Variants in NCKAP5 observed in about 807,000 individuals in gnomAD.
NCKAP5 encodes nck-associated protein 5.
A neutral mutation model predicts 167.0 loss-of-function variants in NCKAP5; 92 were observed. The ratio of observed to expected loss-of-function variants is 0.55; its 90% confidence interval spans 0.47 to 0.66. The LOEUF is 0.66. Ranked by LOEUF, NCKAP5 falls within the 30% of genes least tolerant of loss-of-function variation. NCKAP5 has a pLI of 0.00. For missense variants in NCKAP5, 2,378 were observed against 2,315.0 expected, an observed-to-expected ratio of 1.03 and a Z score of -0.56; for synonymous variants, 891 against 877.4, an observed-to-expected ratio of 1.02 and a Z score of -0.27.
At chr2:133,013,156 T>C (rs2078219372) in intron 6 of NCKAP5, among the ~76,000 whole-genome samples, 1 of 152,182 alleles carries the variant, frequency 6.6e-6, no homozygotes, top group African/African-American at 2.4e-5. Flanking sequence ...GACATTTTTC[T>C]TCCTCTGCCA....
intron 6 of NCKAP5, among the ~76,000 whole-genome samples, chr2:133,085,456 C>T (rs1351338672): frequency 6.6e-6 from 1 of 152,086 alleles, no homozygotes; most frequent in East Asian, 1.9e-4. Context: ...CATATATACA[C>T]ACACAAAAAT....
intron 6 of NCKAP5, among the ~76,000 whole-genome samples, chr2:132,998,092 C>A (rs150520104): frequency 6.6e-6 from 1 of 152,240 alleles, no homozygotes; most frequent in East Asian, 1.9e-4. Flanking sequence ...TTCTTTTAAT[C>A]CTTATTGCAT....
intron 6 of NCKAP5, among the ~76,000 whole-genome samples, chr2:133,040,496 T>C (rs535576488): frequency 6.6e-6 from 1 of 152,276 alleles, no homozygotes; most frequent in South Asian, 2.1e-4. Flanking sequence ...ATAAACAAGG[T>C]TGGTATAAAA....
At position 133,237,220 on chromosome 2, in the gene NCKAP5, T is replaced by C. The variant is rs369604706; in HGVS notation, c.144-23441A>G. On this transcript the variant is annotated intron_variant, in intron 4 of 19. Coordinates refer to ENST00000409261, the MANE Select transcript of NCKAP5 (RefSeq NM_207363.3). ...CTTGATTAATTATGACAAATTATTA[T>C]ATTCCTAAGCAGAGATAGATTTTTT... Among the ~76,000 whole-genome samples, 237 of 152,318 alleles carry C rather than the reference T, an allele frequency of 1.6e-3. No individual in the cohort carries two copies. The Middle Eastern group carries it at 0.017, about 11-fold the overall frequency.
At chr2:133,610,213 T>C in the NCKAP5 span, among the ~76,000 whole-genome samples, 5 of 152,210 alleles carry the variant, frequency 3.3e-5, no homozygotes, top group Non-Finnish European at 5.9e-5. Context: ...TTCAGAATTA[T>C]AGCCTGATGG....
chr2:133,469,426 C>G (rs916398270), intron 3 of NCKAP5, among the ~76,000 whole-genome samples: 1 of 152,100 alleles, frequency 6.6e-6, no homozygotes, highest in South Asian at 2.1e-4. Context: ...CGACCTTTCT[C>G]TCTGGCTGCC....
chr2:133,087,389 G>T (rs745862636), intron 6 of NCKAP5, among the ~76,000 whole-genome samples: 28 of 152,154 alleles, frequency 1.8e-4, no homozygotes, highest in Non-Finnish European at 2.8e-4. Context: ...ATTAAAGGGA[G>T]AATTTATTGA....
At chr2:133,092,309 C>T (rs2081212346) in intron 6 of NCKAP5, among the ~76,000 whole-genome samples, 1 of 152,018 alleles carries the variant, frequency 6.6e-6, no homozygotes, top group African/African-American at 2.4e-5. Flanking sequence ...AGGAAGATGG[C>T]CTCATAAAAA....
At position 132,783,538 on chromosome 2, in the gene NCKAP5, T is replaced by A; in HGVS notation, c.3273A>T (p.Gln1091His). The change falls in exon 14 of 20, where the codon CAA becomes CAT. Residue 1091 changes from glutamine (Q) to histidine (H), a missense_variant. Physicochemically the swap from Gln to His is conservative, Grantham distance 24. Coordinates refer to ENST00000409261, the MANE Select transcript of NCKAP5 (RefSeq NM_207363.3). ...GGGGTGTGGAGGCGCTATCATTCAA[T>A]TGTCCTTTTCTCCCTGGAGATACAC... ...SKSVSPGRKGQLNDSASTPPK... is the reference protein window; with the variant it reads ...SKSVSPGRKGHLNDSASTPPK... 1 of 1,613,852 alleles carries A rather than the reference T, an allele frequency of 6.2e-7. No homozygotes were observed.
intron 4 of NCKAP5, among the ~76,000 whole-genome samples, chr2:133,297,788 G>T (rs1680073252): frequency 6.6e-6 from 1 of 152,148 alleles, no homozygotes. Flanking sequence ...TTGACTCTAA[G>T]TTAGCTCCAG....
At chr2:132,722,183 C>G (rs1394252311) in intron 19 of NCKAP5, among the ~76,000 whole-genome samples, 1 of 152,198 alleles carries the variant, frequency 6.6e-6, no homozygotes, top group East Asian at 1.9e-4. Context: ...AACATGGGCC[C>G]TAAGGTAAGT....
chr2:133,156,277 T>G (rs780081119), intron 5 of NCKAP5, among the ~76,000 whole-genome samples: 2 of 152,168 alleles, frequency 1.3e-5, no homozygotes, highest in Admixed American at 1.3e-4. Flanking sequence ...CATCACTTCC[T>G]CCCAGGAACC....
chr2:133,450,211 C>T (rs964278189), intron 3 of NCKAP5, among the ~76,000 whole-genome samples: 2 of 152,180 alleles, frequency 1.3e-5, no homozygotes, highest in African/African-American at 4.8e-5. Context: ...TGCTGCCCAT[C>T]TGTTCTCCAG....
intron 13 of NCKAP5, among the ~76,000 whole-genome samples, chr2:132,788,469 G>A (rs1278029908): frequency 6.6e-6 from 1 of 152,180 alleles, no homozygotes; most frequent in Non-Finnish European, 1.5e-5. Flanking sequence ...GCCTTCTGGC[G>A]CCTGGCTCTG....
chr2:132,701,485 C>G (rs2709535), intron 19 of NCKAP5, among the ~76,000 whole-genome samples: 1 of 151,968 alleles, frequency 6.6e-6, no homozygotes, highest in East Asian at 1.9e-4. Context: ...ATTGCAAAAC[C>G]AAATACCAGG....
In NCKAP5 at chr2:132,787,801, G is replaced by C. The variant is rs555751940; in HGVS notation, c.1093-2083C>G. ...CCAGAAAGGAGCTGCCACAGTGTAA[G>C]TTTCTAAGAATTTCCATGATCCTGA... On this transcript the variant is annotated intron_variant, in intron 13 of 19. Transcript: ENST00000409261. Among the ~76,000 whole-genome samples, 180 of 152,230 alleles carry C rather than the reference G, an allele frequency of 1.2e-3. 3 individuals carry two copies. Among genetic ancestry groups the C allele is most frequent in the African/African-American group, 4.3e-3 (177 of 41,526 alleles).
chr2:133,548,103 C>A (rs368520637), intron 2 of NCKAP5, among the ~76,000 whole-genome samples: 2 of 148,136 alleles, frequency 1.4e-5, no homozygotes, highest in African/African-American at 2.5e-5. Flanking sequence ...GGAGCCAATG[C>A]GATCAACTGG....
chr2:133,073,849 T>C (rs371670987), intron 6 of NCKAP5, among the ~76,000 whole-genome samples: 5 of 151,614 alleles, frequency 3.3e-5, no homozygotes, highest in South Asian at 2.1e-4. Context: ...GCTCCAAAAA[T>C]GTAATTCATT....
chr2:132,728,075 G>C (rs1462877036), intron 18 of NCKAP5, among the ~76,000 whole-genome samples: 2 of 152,206 alleles, frequency 1.3e-5, no homozygotes, highest in Admixed American at 6.5e-5. Context: ...AATGAACCAT[G>C]TGTCTTCCTC....
Sources: gnomAD v4.1 joint callset for allele counts (sites outside exome capture counted in the v4.1 genomes callset) on GRCh38, gnomAD v4.1.1 for gene constraint, MANE v1.5 for transcripts, NCBI Gene and HGNC (gene_info 2026-07-23, HGNC 2026-07-21) for gene names.